Variants in SP140 observed in about 807,000 individuals in gnomAD.
The protein encoded by SP140 is SP140 nuclear body protein, also known as nuclear body protein SP140.
Under a neutral mutation model 125.0 loss-of-function variants are expected in SP140, and 81 were observed. The observed-to-expected ratio is 0.65, with a 90% CI of 0.54 to 0.78. SP140 has a LOEUF of 0.78. Among genes scored for constraint, SP140 ranks in the 30% least tolerant of loss-of-function variants. The pLI is 0.00. For missense variants in SP140, 858 were observed against 1,037.0 expected, an observed-to-expected ratio of 0.83 and a Z score of 2.37; for synonymous variants, 312 against 354.0, an observed-to-expected ratio of 0.88 and a Z score of 1.33.
intron 10 of SP140, among the ~76,000 whole-genome samples, chr2:230,252,513 A>G (rs1018178759): frequency 6.6e-6 from 1 of 152,102 alleles, no homozygotes; most frequent in African/African-American, 2.4e-5. Context: ...GGCAAGAGAC[A>G]GAGGTAGAAA....
At position 230,238,292 on chromosome 2, in the gene SP140, T is replaced by A. The variant is rs769965258; in HGVS notation, c.317T>A (p.Phe106Tyr). ...GTACTCAGTGAACTGGAGAAGACAT[T>A]TGGCTGGTCACATCTGGAAGCATTG... ...YCVLSELEKT[F>Y]GWSHLEALFS... Residue 106 changes from phenylalanine (F) to tyrosine (Y), a missense_variant, in exon 3 of 27, where the codon TTT becomes TAT. Coordinates refer to ENST00000392045, the MANE Select transcript of SP140 (RefSeq NM_007237.5). 1 of 1,613,916 alleles carries A rather than the reference T, an allele frequency of 6.2e-7. No individual in the cohort carries two copies. Among genetic ancestry groups the A allele is most frequent in the East Asian group, 2.2e-5 (1 of 44,874 alleles).
intron 7 of SP140, 73 bp from the exon 8 acceptor site, chr2:230,247,843 A>G (rs2049716614): frequency 1.3e-6 from 2 of 1,491,526 alleles, no homozygotes; most frequent in Admixed American, 1.8e-5. Flanking sequence ...TACAATCTCC[A>G]TCATGCTCAC....
intron 7 of SP140, among the ~76,000 whole-genome samples, chr2:230,247,239 T>C (rs963217078): frequency 7.9e-4 from 121 of 152,326 alleles, no homozygotes; most frequent in African/African-American, 2.8e-3. Flanking sequence ...TCCATTTGGA[T>C]GTTTTTCAGG....
chr2:230,274,822 A>G (rs1300751260), intron 15 of SP140, among the ~76,000 whole-genome samples: 2 of 151,956 alleles, frequency 1.3e-5, no homozygotes, highest in African/African-American at 2.4e-5. Flanking sequence ...ACATATTTCT[A>G]TATTTTTTTC....
chr2:230,241,573 T>A (rs1259596701), intron 4 of SP140, 86 bp downstream of exon 4: 1 of 777,690 alleles, frequency 1.3e-6, no homozygotes. Flanking sequence ...TCCTCTCCTG[T>A]CTTAGCCCTC....
At chr2:230,194,361 A>T in the SP140 span, among the ~76,000 whole-genome samples, 1 of 152,116 alleles carries the variant, frequency 6.6e-6, no homozygotes, top group African/African-American at 2.4e-5. Flanking sequence ...GAACTTTGGG[A>T]GGCTAGGGCA....
chr2:230,204,874 T>A (rs1372088377), intron 1 of SP140, among the ~76,000 whole-genome samples: 2 of 151,994 alleles, frequency 1.3e-5, no homozygotes, highest in Non-Finnish European at 2.9e-5. Flanking sequence ...GAATATAGCA[T>A]CCAAAGAGAA....
At chr2:230,280,731 AT>A (rs2149413204) in intron 15 of SP140, among the ~76,000 whole-genome samples, 1 of 152,164 alleles carries the variant, frequency 6.6e-6, no homozygotes, top group South Asian at 2.1e-4. Context: ...CATCTCTACC[AT>A]TTTGGCTATT....
intron 17 of SP140, among the ~76,000 whole-genome samples, chr2:230,286,753 G>A (rs775504048): frequency 5.3e-5 from 8 of 152,078 alleles, no homozygotes; most frequent in Admixed American, 2.0e-4. Context: ...CCTAGGATGC[G>A]GGTGCTCAAC....
intron 16 of SP140, 94 bp from the exon 17 acceptor site, chr2:230,285,658 T>G: frequency 8.6e-6 from 9 of 1,045,770 alleles, no homozygotes; most frequent in Non-Finnish European, 1.3e-5. Context: ...GGATCCAGAA[T>G]GAGACCCAGG....
intron 1 of SP140, among the ~76,000 whole-genome samples, chr2:230,233,453 T>C (rs941387257): frequency 1.3e-5 from 2 of 152,290 alleles, no homozygotes; most frequent in South Asian, 4.1e-4. Context: ...ATAATTTTAT[T>C]ATATGCAGTA....
At chr2:230,255,387 T>C in intron 11 of SP140, 65 bp from the exon 12 acceptor site, 1 of 1,577,498 alleles carries the variant, frequency 6.3e-7, no homozygotes, top group Non-Finnish European at 8.7e-7. Flanking sequence ...TCACTAAGTT[T>C]TCTCTTCATG....
At chr2:230,234,196 C>T (rs943297708) in intron 1 of SP140, among the ~76,000 whole-genome samples, 7 of 152,330 alleles carry the variant, frequency 4.6e-5, no homozygotes, top group African/African-American at 7.2e-5. Flanking sequence ...CAAATCTCAA[C>T]GGGTCACCAG....
intron 4 of SP140, among the ~76,000 whole-genome samples, chr2:230,242,031 A>G (rs1323380353): frequency 6.6e-6 from 1 of 152,170 alleles, no homozygotes; most frequent in African/African-American, 2.4e-5. Flanking sequence ...AAACTGAAAT[A>G]GTGTTGGCAG....
intron 17 of SP140, among the ~76,000 whole-genome samples, chr2:230,286,830 A>G (rs537025789): frequency 1.3e-3 from 195 of 152,228 alleles, no homozygotes; most frequent in Non-Finnish European, 2.2e-3. Flanking sequence ...CCATAGGTCC[A>G]CTTTGGGTCT....
intron 21 of SP140, among the ~76,000 whole-genome samples, chr2:230,294,638 A>T (rs2057497271): frequency 6.6e-6 from 1 of 152,234 alleles, no homozygotes; most frequent in Non-Finnish European, 1.5e-5. Flanking sequence ...AAGCATGGTC[A>T]TGGGATACAT....
At chr2:230,286,873 G>T (rs1032800993) in intron 17 of SP140, among the ~76,000 whole-genome samples, 1 of 152,114 alleles carries the variant, frequency 6.6e-6, no homozygotes, top group South Asian at 2.1e-4. Flanking sequence ...GGCCTAATAT[G>T]CTCATGATAT....
intron 1 of SP140, among the ~76,000 whole-genome samples, chr2:230,210,529 C>G (rs1356249557): frequency 6.6e-6 from 1 of 152,176 alleles, no homozygotes; most frequent in African/African-American, 2.4e-5. Flanking sequence ...GGTTATTTTA[C>G]TTGGAGAAAT....
chr2:230,220,108 C>T, intron 3 of SP140: 1 of 983,608 alleles, frequency 1.0e-6, no homozygotes, highest in Non-Finnish European at 1.2e-6. Flanking sequence ...TCCTCATGGG[C>T]ACTTGTGAGG....
Sources: gnomAD v4.1 joint callset for allele counts (sites outside exome capture counted in the v4.1 genomes callset) on GRCh38, gnomAD v4.1.1 for gene constraint, MANE v1.5 for transcripts, NCBI Gene and HGNC (gene_info 2026-07-23, HGNC 2026-07-21) for gene names.